CNTN5: variants seen among roughly 807,000 people sequenced by gnomAD.
CNTN5 encodes contactin 5, also known as contactin-5.
A neutral mutation model predicts 129.1 loss-of-function variants in CNTN5; 77 were observed. The ratio of observed to expected loss-of-function variants is 0.60; its 90% confidence interval spans 0.50 to 0.72. CNTN5 has a LOEUF of 0.72. CNTN5 is among the 30% of genes least tolerant of loss of function. The pLI, the probability that CNTN5 is intolerant of heterozygous loss-of-function variation, is 0.00. For synonymous variants in CNTN5, 509 were observed against 465.6 expected (o/e 1.09, Z -1.20); for missense variants, 1,478 against 1,328.8 (o/e 1.11, Z -1.75).
intron 6 of CNTN5, among the ~76,000 whole-genome samples, chr11:99,862,844 A>G (rs373220320): frequency 6.6e-6 from 1 of 152,162 alleles, no homozygotes. Context: ...AATAAATGAG[A>G]TGATTTTTCT....
intron 3 of CNTN5, among the ~76,000 whole-genome samples, chr11:99,728,195 A>G (rs974944364): frequency 1.3e-5 from 2 of 150,666 alleles, no homozygotes; most frequent in Non-Finnish European, 2.9e-5. Context: ...GAGGAGTCTG[A>G]TCATACATGA....
chr11:100,182,433 G>T (rs1404748429), intron 13 of CNTN5, among the ~76,000 whole-genome samples: 1 of 151,934 alleles, frequency 6.6e-6, no homozygotes. Flanking sequence ...TTCTTATAAG[G>T]GCACTAATCT....
rs565001355 is a variant in CNTN5 at position 99,661,904 on chromosome 11, T to C, written c.55+105635T>C. Among the ~76,000 whole-genome samples, 4 of 152,222 alleles carry C rather than the reference T, an allele frequency of 2.6e-5. No homozygotes were observed. In the South Asian group the frequency reaches 8.3e-4, roughly 32 times the overall value. ...GAAGAGCATACGTATTTTCAATTTA[T>C]GTAGAAGCAAGAGAAAACTCAGTAA... is the stretch of plus-strand genomic sequence containing the variant. On this transcript the variant is annotated intron_variant, in intron 3 of 24. Transcript: ENST00000524871.
At chr11:99,260,774 A>G (rs974795734) in intron 1 of CNTN5, among the ~76,000 whole-genome samples, 2 of 151,922 alleles carry the variant, frequency 1.3e-5, no homozygotes, top group Non-Finnish European at 2.9e-5. Context: ...ATTTAAGCCA[A>G]TTTGATTGTC....
intron 1 of CNTN5, among the ~76,000 whole-genome samples, chr11:99,192,653 T>C (rs1449655878): frequency 6.6e-6 from 1 of 152,062 alleles, no homozygotes; most frequent in Non-Finnish European, 1.5e-5. Context: ...ATGAATTTAA[T>C]ATACTGAACA....
intron 13 of CNTN5, among the ~76,000 whole-genome samples, chr11:100,111,264 T>G (rs548577572): frequency 1.8e-4 from 27 of 152,228 alleles, no homozygotes; most frequent in African/African-American, 6.0e-4. Flanking sequence ...ACCAGTGCCG[T>G]TTTTTGTTTC....
intron 3 of CNTN5, among the ~76,000 whole-genome samples, chr11:99,587,892 A>G (rs555786620): frequency 5.3e-5 from 8 of 152,348 alleles, no homozygotes; most frequent in African/African-American, 1.9e-4. Context: ...TCTGCTTAAT[A>G]AAGTGGAAAC....
intron 4 of CNTN5, among the ~76,000 whole-genome samples, chr11:99,823,843 A>G (rs1946873032): frequency 6.6e-6 from 1 of 152,028 alleles, no homozygotes; most frequent in Admixed American, 6.6e-5. Context: ...ATTTACATGC[A>G]TATATTTATA....
At chr11:100,130,166 G>T (rs565042712) in intron 13 of CNTN5, among the ~76,000 whole-genome samples, 3 of 152,208 alleles carry the variant, frequency 2.0e-5, no homozygotes, top group African/African-American at 7.2e-5. Flanking sequence ...TATTCTTTAA[G>T]AAAGACAAAG....
intron 3 of CNTN5, among the ~76,000 whole-genome samples, chr11:99,700,921 C>T (rs1038164813): frequency 2.0e-5 from 3 of 151,142 alleles, no homozygotes; most frequent in African/African-American, 7.3e-5. Context: ...TTCTACCTTC[C>T]ATCTTGGCAG....
intron 2 of CNTN5, among the ~76,000 whole-genome samples, chr11:99,436,664 G>T (rs1021702305): frequency 1.3e-5 from 2 of 152,056 alleles, no homozygotes; most frequent in African/African-American, 4.8e-5. Context: ...CTGACAATAT[G>T]CCCCTTTCAT....
intron 1 of CNTN5, among the ~76,000 whole-genome samples, chr11:99,236,493 CACACAGAGAG>C (rs1861275590): frequency 7.8e-6 from 1 of 127,810 alleles, no homozygotes; most frequent in African/African-American, 2.8e-5. Context: ...CACACACACA[CACACAGAGAG>C]AGAGAGAGTC....
At chr11:99,040,792 A>G (rs192220198) in intron 1 of CNTN5, among the ~76,000 whole-genome samples, 19 of 152,288 alleles carry the variant, frequency 1.2e-4, no homozygotes, top group African/African-American at 3.1e-4. Context: ...TGATGAATAT[A>G]TAGAGTTGCA....
chr11:99,237,928 A>G (rs1327670385), intron 1 of CNTN5, among the ~76,000 whole-genome samples: 1 of 152,100 alleles, frequency 6.6e-6, no homozygotes, highest in Admixed American at 6.5e-5. Flanking sequence ...TTTATTCACT[A>G]TTTTGTTTAC....
chr11:100,116,339 C>T (rs760095100), intron 13 of CNTN5, among the ~76,000 whole-genome samples: 18 of 151,890 alleles, frequency 1.2e-4, no homozygotes, highest in African/African-American at 1.7e-4. Flanking sequence ...AAAAAGAAGT[C>T]GCCTTCATAT....
intron 3 of CNTN5, among the ~76,000 whole-genome samples, chr11:99,646,432 T>C (rs1951963555): frequency 6.6e-6 from 1 of 152,182 alleles, no homozygotes; most frequent in Admixed American, 6.5e-5. Context: ...GGCCATGCTT[T>C]TTTCTACAAT....
At chr11:99,959,780 C>T (rs962324759) in intron 8 of CNTN5, among the ~76,000 whole-genome samples, 1 of 151,912 alleles carries the variant, frequency 6.6e-6, no homozygotes, top group Admixed American at 6.6e-5. Flanking sequence ...TTAACAAAAA[C>T]AAAAAAACCA....
intron 7 of CNTN5, among the ~76,000 whole-genome samples, chr11:99,944,583 G>A (rs1236589478): frequency 6.6e-6 from 1 of 152,066 alleles, no homozygotes; most frequent in African/African-American, 2.4e-5. Context: ...GTCTCTATTT[G>A]CAGATGACAT....
chr11:99,478,522 G>T (rs1945467324), intron 2 of CNTN5, among the ~76,000 whole-genome samples: 1 of 152,116 alleles, frequency 6.6e-6, no homozygotes, highest in Non-Finnish European at 1.5e-5. Context: ...AAAGGATGGA[G>T]ATTACAAAAG....
Sources: allele counts gnomAD v4.1 joint callset (sites outside exome capture counted in the v4.1 genomes callset), GRCh38; gene constraint gnomAD v4.1.1; transcripts MANE v1.5; gene names NCBI Gene and HGNC (gene_info 2026-07-23, HGNC 2026-07-21).